Variants in PLCG2 observed in about 807,000 individuals in gnomAD.
PLCG2 encodes the protein 1-phosphatidylinositol 4,5-bisphosphate phosphodiesterase gamma-2.
PLCG2 carries 69 observed loss-of-function variants against 175.6 expected under a neutral mutation model. The observed-to-expected ratio is 0.39, with a 90% CI of 0.32 to 0.48. PLCG2 has a LOEUF of 0.48. Ranked by LOEUF, PLCG2 falls within the 20% of genes least tolerant of loss-of-function variation. The pLI is 0.91. For missense variants in PLCG2, 1,798 were observed against 1,650.9 expected (o/e 1.09, Z -1.54); for synonymous variants, 827 against 624.0 (o/e 1.33, Z -4.85).
intron 2 of PLCG2, among the ~76,000 whole-genome samples, chr16:81,818,909 C>CTTTTTTTTTTTT (rs1904673567): frequency 5.5e-5 from 3 of 54,370 alleles, no homozygotes; most frequent in Admixed American, 2.0e-4. Flanking sequence ...TTTTTTTTTA[C>CTTTTTTTTTTTT]TGTGGTGGGG....
At chr16:81,818,461 C>G (rs1254260147) in intron 2 of PLCG2, among the ~76,000 whole-genome samples, 1 of 152,116 alleles carries the variant, frequency 6.6e-6, no homozygotes, top group Non-Finnish European at 1.5e-5. Context: ...ACCAGGTAGA[C>G]CATAGATGCT....
chr16:81,771,997 G>T (rs1910291482), intron 2 of PLCG2, among the ~76,000 whole-genome samples: 1 of 152,094 alleles, frequency 6.6e-6, no homozygotes, highest in Admixed American at 6.6e-5. Flanking sequence ...TGGCCAGGCT[G>T]GTCTTAAACT....
chr16:81,837,683 T>TA (rs1567490943), intron 2 of PLCG2, among the ~76,000 whole-genome samples: 25 of 147,772 alleles, frequency 1.7e-4, no homozygotes, highest in African/African-American at 6.0e-4. Context: ...TACCAACATG[T>TA]GTTTTTTTTT....
intron 5 of PLCG2, among the ~76,000 whole-genome samples, chr16:81,860,776 G>A (rs1906940743): frequency 6.6e-6 from 1 of 152,108 alleles, no homozygotes; most frequent in Non-Finnish European, 1.5e-5. Flanking sequence ...TTCGAGACCA[G>A]CCTGGGCAAC....
At chr16:81,885,279 C>G (rs1908303956) in intron 9 of PLCG2, among the ~76,000 whole-genome samples, 1 of 152,108 alleles carries the variant, frequency 6.6e-6, no homozygotes, top group South Asian at 2.1e-4. Flanking sequence ...CCGCCTTGGC[C>G]TCCCAAAGTG....
intron 2 of PLCG2, among the ~76,000 whole-genome samples, chr16:81,810,225 C>G (rs897741857): frequency 6.6e-6 from 1 of 152,114 alleles, no homozygotes; most frequent in African/African-American, 2.4e-5. Context: ...TCTTGATTCT[C>G]GTGGCATGCC....
chr16:81,768,283 ATGTT>A (rs535107887), intron 2 of PLCG2, among the ~76,000 whole-genome samples: 34 of 152,278 alleles, frequency 2.2e-4, no homozygotes, highest in African/African-American at 7.9e-4. Flanking sequence ...CACTGTATGA[ATGTT>A]TGTTTATCCA....
At chr16:81,900,559 A>T in intron 13 of PLCG2, 53 bp from the exon 14 acceptor site, 1 of 1,508,774 alleles carries the variant, frequency 6.6e-7, no homozygotes, top group Non-Finnish European at 9.0e-7. Flanking sequence ...TGTGGGGCAG[A>T]TGCAGAGGTG....
chr16:81,770,113 A>G (rs898916791), intron 2 of PLCG2, among the ~76,000 whole-genome samples: 2 of 152,068 alleles, frequency 1.3e-5, no homozygotes, highest in Non-Finnish European at 2.9e-5. Flanking sequence ...ACTGCCTTAT[A>G]TTTTAATTTT....
At chr16:81,900,174 G>C (rs1909085845) in intron 13 of PLCG2, among the ~76,000 whole-genome samples, 1 of 152,152 alleles carries the variant, frequency 6.6e-6, no homozygotes, top group Non-Finnish European at 1.5e-5. Flanking sequence ...TTTATAAATA[G>C]AGGAAGTAAT....
At chr16:81,838,827 G>C (rs374925784) in intron 2 of PLCG2, among the ~76,000 whole-genome samples, 1 of 147,824 alleles carries the variant, frequency 6.8e-6, no homozygotes, top group Non-Finnish European at 1.5e-5. Flanking sequence ...CATAGATGTG[G>C]TAAAATGCAC....
intron 7 of PLCG2, among the ~76,000 whole-genome samples, chr16:81,880,300 C>T (rs1908015050): frequency 6.6e-6 from 1 of 152,196 alleles, no homozygotes. Flanking sequence ...AGGTGCCTAT[C>T]TCAACTGTTT....
At chr16:81,806,056 A>G (rs1912007623) in intron 2 of PLCG2, among the ~76,000 whole-genome samples, 2 of 151,998 alleles carry the variant, frequency 1.3e-5, no homozygotes, top group Admixed American at 6.6e-5. Context: ...TTATTTCAAC[A>G]TGTATGCAAT....
chr16:81,742,509 T>A (rs1051928425), intron 1 of PLCG2, among the ~76,000 whole-genome samples: 1 of 152,156 alleles, frequency 6.6e-6, no homozygotes, highest in African/African-American at 2.4e-5. Flanking sequence ...TTAGATGACT[T>A]GGCAGAGTCT....
chr16:81,896,536 C>G (rs111511893), intron 13 of PLCG2, among the ~76,000 whole-genome samples: 4 of 152,058 alleles, frequency 2.6e-5, no homozygotes, highest in African/African-American at 9.6e-5. Flanking sequence ...TCACATTGCG[C>G]CACTGCACTG....
intron 2 of PLCG2, among the ~76,000 whole-genome samples, chr16:81,800,364 C>A (rs764629738): frequency 2.6e-5 from 4 of 152,162 alleles, no homozygotes; most frequent in Admixed American, 6.5e-5. Context: ...TCTCCTCCAT[C>A]CTTACCCTGC....
At chr16:81,757,732 C>T (rs2143079914) in intron 2 of PLCG2, among the ~76,000 whole-genome samples, 1 of 152,262 alleles carries the variant, frequency 6.6e-6, no homozygotes. Flanking sequence ...ATTCACAGAG[C>T]ACTGACATCA....
At chr16:81,831,080 C>A (rs1905241337) in intron 2 of PLCG2, among the ~76,000 whole-genome samples, 1 of 152,210 alleles carries the variant, frequency 6.6e-6, no homozygotes, top group Admixed American at 6.5e-5. Context: ...GTCACCACCT[C>A]TGGGGAGGCC....
intron 2 of PLCG2, among the ~76,000 whole-genome samples, chr16:81,799,437 T>C (rs941568530): frequency 6.6e-6 from 1 of 152,202 alleles, no homozygotes; most frequent in African/African-American, 2.4e-5. Context: ...AATTAATTAA[T>C]TTTTTGAGGC....
Sources: gnomAD v4.1 joint callset for allele counts (sites outside exome capture counted in the v4.1 genomes callset) on GRCh38, gnomAD v4.1.1 for gene constraint, MANE v1.5 for transcripts, NCBI Gene and HGNC (gene_info 2026-07-23, HGNC 2026-07-21) for gene names.